MYH10: variants seen among roughly 807,000 people sequenced by gnomAD.
The protein encoded by MYH10 is myosin heavy chain 10.
In MYH10, 55 loss-of-function variants were observed where a neutral mutation model predicts 257.8. The ratio of observed to expected loss-of-function variants is 0.21; its 90% CI spans 0.17 to 0.27. The LOEUF is 0.27. Ranked by LOEUF, MYH10 falls within the 10% of genes least tolerant of loss-of-function variation. The pLI is 1.00. For missense variants in MYH10, 1,631 were observed against 2,500.6 expected (o/e 0.65, Z 7.42); for synonymous variants, 854 against 921.7 (o/e 0.93, Z 1.33).
At chr17:8,551,616 A>G (rs983193432) in intron 9 of MYH10, among the ~76,000 whole-genome samples, 2 of 152,170 alleles carry the variant, frequency 1.3e-5, no homozygotes, top group African/African-American at 4.8e-5. Context: ...CTGACATTCA[A>G]TCAATCAATA....
In MYH10 at chr17:8,512,643, C is replaced by T; in HGVS notation, c.2760G>A (p.Lys920=). The T allele has an allele frequency of 6.2e-7, 1 of 1,612,010 alleles. No homozygotes were observed. Among genetic ancestry groups the T allele is most frequent in the Admixed American group, 1.7e-5 (1 of 59,866 alleles). The stretch of plus-strand genomic sequence containing the variant: ...CTTGTAGTTGTTCTGCAAGGATATT[C>T]TTCTCTTCTAAAAGCTGCAATCACA... ...ERKHQQLLEE[K]NILAEQLQAE... Residue 920 remains lysine (K), a synonymous_variant, in exon 24 of 43, where the codon AAG becomes AAA. Transcript: ENST00000360416.
At chr17:8,527,853 T>C (rs8081825) in intron 17 of MYH10, among the ~76,000 whole-genome samples, 76,468 of 151,976 alleles carry the variant, frequency 0.5, 20,239 homozygotes, top group Middle Eastern at 0.62. Context: ...ACACTCAAGA[T>C]CAAAAAACAG....
chr17:8,570,878 G>C (rs143742798), intron 6 of MYH10, among the ~76,000 whole-genome samples: 16 of 151,652 alleles, frequency 1.1e-4, no homozygotes, highest in Middle Eastern at 6.8e-3. Context: ...CTGTCACTCA[G>C]CTGAAAGGGT....
intron 1 of MYH10, among the ~76,000 whole-genome samples, chr17:8,629,036 T>C (rs1283104111): frequency 1.3e-5 from 2 of 152,070 alleles, no homozygotes; most frequent in Admixed American, 1.3e-4. Flanking sequence ...ATGCATAAAA[T>C]GGCCACTTTT....
intron 26 of MYH10, among the ~76,000 whole-genome samples, chr17:8,507,189 C>T (rs977074199): frequency 1.3e-5 from 2 of 152,218 alleles, no homozygotes; most frequent in African/African-American, 2.4e-5. Context: ...GCAGAAGAAC[C>T]ATATACTAGT....
At chr17:8,487,962 G>C (rs1356268739) in intron 35 of MYH10, among the ~76,000 whole-genome samples, 2 of 152,194 alleles carry the variant, frequency 1.3e-5, no homozygotes, top group Non-Finnish European at 2.9e-5. Flanking sequence ...TGGTTGCTAA[G>C]AGGTACAGAG....
At chr17:8,574,275 G>A (rs1217277046) in intron 6 of MYH10, among the ~76,000 whole-genome samples, 2 of 152,098 alleles carry the variant, frequency 1.3e-5, no homozygotes, top group Admixed American at 1.3e-4. Context: ...AGAAAGAACC[G>A]TCAGGGAGGA....
chr17:8,476,998 T>G lies in MYH10; in HGVS notation c.5757A>C (p.Glu1919Asp). 1 of 1,614,206 alleles carries G rather than the reference T, an allele frequency of 6.2e-7. No individual in the cohort carries two copies. The highest frequency in any genetic ancestry group is 8.5e-7 in the Non-Finnish European group (1 of 1,180,050). Residue 1919 changes from glutamate to aspartate, a missense_variant, in exon 42 of 43, where the codon GAA (glutamate) becomes GAC (aspartate). Glu to Asp is a conservative substitution (Grantham distance 45, BLOSUM62 2). Around this residue, in one of 11 missense-constraint regions of MYH10, gnomAD observed 343 missense variants for 389.5 expected, o/e 0.88. Transcript: ENST00000360416. The stretch of plus-strand genomic sequence containing the variant: ...TGGCACGCGTCGCTTCTTCTTCTGC[T>G]TCCTCCAGCTGGCGTTTAAGCTGCT... ...RMKQLKRQLEEAEEEATRANA... is the reference protein window; with the variant it reads ...RMKQLKRQLEDAEEEATRANA...
chr17:8,610,783 AGAACC>A (rs2085010706), intron 2 of MYH10, among the ~76,000 whole-genome samples: 1 of 152,266 alleles, frequency 6.6e-6, no homozygotes, highest in Admixed American at 6.5e-5. Flanking sequence ...CCCAGCCTCT[AGAACC>A]ATAAGCCAAA....
chr17:8,479,373 T>G (rs1295703897), intron 40 of MYH10, among the ~76,000 whole-genome samples: 1 of 152,238 alleles, frequency 6.6e-6, no homozygotes, highest in Non-Finnish European at 1.5e-5. Flanking sequence ...CAGAAAAAGT[T>G]ATTTTGTTGC....
At chr17:8,543,808 T>G (rs529404669) in intron 13 of MYH10, among the ~76,000 whole-genome samples, 1 of 152,342 alleles carries the variant, frequency 6.6e-6, no homozygotes, top group South Asian at 2.1e-4. Context: ...TCTACTTGTC[T>G]TCCATATTTA....
In MYH10 at chr17:8,475,422, C is replaced by T. The variant is rs1912384867; in HGVS notation, c.*382G>A. 5.3e-6 allele frequency: 1 copy of T among 189,718 alleles called. No individual in the cohort carries two copies. The highest frequency in any genetic ancestry group is 1.1e-5 in the Non-Finnish European group (1 of 90,476). The allele number at this position is 189,718 out of a possible 1,614,324, so 11.8% of individuals were successfully genotyped here. A position where few individuals can be genotyped will look rare whatever the true frequency, so the allele number is the denominator to read the frequency against. ...AGAACTAGGTTACCTGTCTGTATGA[C>T]AGAGAGCATGCAGAGCGACTGAGTG... On this transcript the variant is annotated 3_prime_UTR_variant, in exon 43 of 43. Coordinates refer to ENST00000360416, the MANE Select transcript of MYH10 (RefSeq NM_001256012.3).
In MYH10 at chr17:8,474,386, G is replaced by T. The variant is rs1962303989; in HGVS notation, c.*1418C>A. Reference sequence around the variant, plus strand: ...GATATTTGCGGTCAGGTGTCTGGTGGTCAACAGCCAGTACAGTTCATAAAG... The same window carrying T: ...GATATTTGCGGTCAGGTGTCTGGTGTTCAACAGCCAGTACAGTTCATAAAG... On this transcript the variant is annotated 3_prime_UTR_variant, in exon 43 of 43. Transcript: ENST00000360416. 1 of 152,516 alleles carries T rather than the reference G, an allele frequency of 6.6e-6. No homozygotes were observed. Among genetic ancestry groups the T allele is most frequent in the Non-Finnish European group, 1.5e-5 (1 of 68,034 alleles). 9.4% of individuals were successfully genotyped at this position (152,516 alleles called of 1,614,324 possible).
intron 13 of MYH10, among the ~76,000 whole-genome samples, chr17:8,543,890 A>G (rs1171107313): frequency 6.6e-6 from 1 of 152,236 alleles, no homozygotes; most frequent in Non-Finnish European, 1.5e-5. Flanking sequence ...TGTACAAAGA[A>G]TTGCACCAGT....
intron 1 of MYH10, among the ~76,000 whole-genome samples, chr17:8,628,930 T>C (rs1232210098): frequency 6.6e-6 from 1 of 152,354 alleles, no homozygotes; most frequent in South Asian, 2.1e-4. Flanking sequence ...CACATCCTTC[T>C]GCTGCCAAAG....
chr17:8,530,669 C>A lies in MYH10; in HGVS notation c.1911G>T (p.Gln637His), dbSNP rs1226266286. The change falls in exon 17 of 43, where the codon CAG (glutamine) becomes CAT (histidine). Residue 637 changes from glutamine to histidine, a missense_variant. Transcript: ENST00000360416. ...ELWKDEIQNI[Q>H]RASFYDSVSG... ...AAACACTGTCATAGAAAGAAGCTCT[C>A]TGAATATTCTGAATCTCTAAAGCAG... 5.8e-6 allele frequency: 9 copies of A among 1,549,674 alleles called. No homozygotes were observed. The highest frequency in any genetic ancestry group is 7.0e-6 in the Non-Finnish European group (8 of 1,146,596).
intron 21 of MYH10, among the ~76,000 whole-genome samples, chr17:8,517,236 C>T (rs982450396): frequency 6.6e-6 from 1 of 152,206 alleles, no homozygotes; most frequent in Admixed American, 6.5e-5. Flanking sequence ...CTTCAACTTT[C>T]CATGCTACTC....
At position 8,508,563 on chromosome 17, in the gene MYH10, C is replaced by A; in HGVS notation, c.3205G>T (p.Asp1069Tyr). 6.2e-7 allele frequency: 1 copy of A among 1,614,156 alleles called. No individual in the cohort carries two copies. The highest frequency in any genetic ancestry group is 8.5e-7 in the Non-Finnish European group (1 of 1,180,014). ...AGCCCCAAATACTAACCTTCTAAATCTGAGATCATCACTTCTTGCTTATTC... is the reference window on the plus strand; with the variant it reads ...AGCCCCAAATACTAACCTTCTAAATATGAGATCATCACTTCTTGCTTATTC... ...IRNKQEVMIS[D>Y]LEERLKKEEK... Residue 1069 changes from aspartate to tyrosine, a missense_variant, in exon 26 of 43, where the codon GAT becomes TAT. This residue lies in a region of MYH10 where 169 missense variants were observed against 249.8 expected (regional missense o/e 0.68). Transcript: ENST00000360416.
At chr17:8,553,932 T>C (rs531919658) in intron 8 of MYH10, 23 bp downstream of exon 8, 1 of 1,594,048 alleles carries the variant, frequency 6.3e-7, no homozygotes, top group East Asian at 2.2e-5. Flanking sequence ...TATTTTGGAT[T>C]ATACATTTAT....
Sources: allele counts gnomAD v4.1 joint callset (sites outside exome capture counted in the v4.1 genomes callset), GRCh38; gene constraint gnomAD v4.1.1; regional missense constraint gnomAD v4.1.1; transcripts MANE v1.5; gene names NCBI Gene and HGNC (gene_info 2026-07-23, HGNC 2026-07-21).